CORO1C: variants seen among roughly 807,000 people sequenced by gnomAD.
The protein encoded by CORO1C is coronin 1C, also known as coronin-1C.
Under a neutral mutation model 51.2 loss-of-function variants are expected in CORO1C, and 14 were observed. The ratio of observed to expected loss-of-function variants is 0.27; its 90% CI spans 0.18 to 0.43. The LOEUF (loss-of-function observed/expected upper bound fraction) is 0.43, where lower values mean the gene tolerates loss of function less well. CORO1C is among the 20% of genes least tolerant of loss of function. The probability of loss-of-function intolerance (pLI) is 1.00; values close to 1 mark genes in which losing one functional copy is unlikely to be tolerated. For missense variants in CORO1C, 417 were observed against 607.8 expected (o/e 0.69, Z 3.30); for synonymous variants, 181 against 210.5 (o/e 0.86, Z 1.21).
At chr12:108,678,484 C>T in intron 2 of CORO1C, 90 bp from the exon 3 acceptor site, 1 of 1,128,250 alleles carries the variant, frequency 8.9e-7, no homozygotes, top group Non-Finnish European at 1.2e-6. Flanking sequence ...TTATTACCTC[C>T]ACCCAAAACT....
chr12:108,663,781 T>C (rs1463802532), intron 3 of CORO1C, among the ~76,000 whole-genome samples: 1 of 152,226 alleles, frequency 6.6e-6, no homozygotes, highest in Non-Finnish European at 1.5e-5. Flanking sequence ...GTTGTGAATA[T>C]TCTAAAACTC....
At chr12:108,704,962 A>G (rs1001333593) in intron 1 of CORO1C, among the ~76,000 whole-genome samples, 3 of 152,244 alleles carry the variant, frequency 2.0e-5, no homozygotes, top group African/African-American at 4.8e-5. Flanking sequence ...TAAATGATCA[A>G]TTGGTGATGG....
Position 108,645,944 on chromosome 12 carries a change from AACAGGTG to A in CORO1C, c.*1452_*1458del, listed in dbSNP as rs2136786685. 6.6e-6 allele frequency: 1 copy of A among 152,376 alleles called. No individual in the cohort carries two copies. Among genetic ancestry groups the A allele is most frequent in the East Asian group, 1.9e-4 (1 of 5,180 alleles). The allele number at this position is 152,376 out of a possible 1,614,324, so 9.4% of individuals were successfully genotyped here. On this transcript the variant is annotated 3_prime_UTR_variant, in exon 11 of 11. Transcript: ENST00000261401. ...CAAAGTTCCAGCTAACCGAGGAATG[AACAGGTG>A]ACCAGAGCTCAGTCTCTGGCCCCCT...
chr12:108,683,892 C>A (rs1166450519), intron 2 of CORO1C, among the ~76,000 whole-genome samples: 1 of 151,864 alleles, frequency 6.6e-6, no homozygotes, highest in Admixed American at 6.6e-5. Flanking sequence ...CCACTGAATT[C>A]ATCATATAAG....
intron 6 of CORO1C, among the ~76,000 whole-genome samples, chr12:108,655,455 A>G (rs903937905): frequency 1.0e-4 from 14 of 136,310 alleles, no homozygotes; most frequent in Non-Finnish European, 3.1e-5. Context: ...GGACGCTGCC[A>G]TCTCGACTCA....
chr12:108,725,683 A>G (rs564706174), intron 1 of CORO1C, among the ~76,000 whole-genome samples: 1 of 152,290 alleles, frequency 6.6e-6, no homozygotes, highest in South Asian at 2.1e-4. Flanking sequence ...AAAAGTTGAC[A>G]TTTTTCTTTC....
chr12:108,668,006 G>A (rs2033555211), intron 3 of CORO1C, among the ~76,000 whole-genome samples: 1 of 152,050 alleles, frequency 6.6e-6, no homozygotes, highest in Admixed American at 6.6e-5. Flanking sequence ...CCCTATTTTA[G>A]TCACCCATCA....
chr12:108,668,458 GCT>G (rs909538888), intron 3 of CORO1C: 3 of 152,100 alleles, frequency 2.0e-5, no homozygotes, highest in Admixed American at 1.3e-4. Flanking sequence ...AAGCATTAAA[GCT>G]CTTTTAAAAA....
chr12:108,700,940 T>C lies in CORO1C; in HGVS notation c.195+184A>G, dbSNP rs1181206160. ...ATCCCCAGAACAGAGGTCACTATTC[T>C]ATTTAATGATTCTCTGTTAGAGAAA... On this transcript the variant is annotated intron_variant, in intron 2 of 10. Coordinates refer to ENST00000261401, the MANE Select transcript of CORO1C (RefSeq NM_014325.4). 1.0e-5 allele frequency: 7 copies of C among 668,850 alleles called. No homozygotes were observed. In the Admixed American group the frequency reaches 1.3e-4, roughly 13 times the overall value. The allele number at this position is 668,850 out of a possible 1,614,324, so 41.4% of individuals were successfully genotyped here.
In CORO1C at chr12:108,662,017, C is replaced by G; in HGVS notation, c.448+12G>C. On this transcript the variant is annotated intron_variant, in intron 4 of 10. Transcript: ENST00000261401. ...GGAAGACAAGGGGAGGACCGCTGAG[C>G]TCAGCTCCCACCTGCACTAAGAAGC... is the stretch of plus-strand genomic sequence containing the variant. 6.2e-7 allele frequency: 1 copy of G among 1,614,132 alleles called. No homozygotes were observed. The highest frequency in any genetic ancestry group is 8.5e-7 in the Non-Finnish European group (1 of 1,179,996).
At chr12:108,712,570 C>CAAAAAAA (rs138128974) in intron 1 of CORO1C, among the ~76,000 whole-genome samples, 5 of 66,514 alleles carry the variant, frequency 7.5e-5, no homozygotes. Context: ...GAAACTGTCT[C>CAAAAAAA]AAAAAAAAAA....
chr12:108,674,329 G>A (rs1448774641), intron 3 of CORO1C, among the ~76,000 whole-genome samples: 9 of 152,134 alleles, frequency 5.9e-5, no homozygotes, highest in African/African-American at 1.2e-4. Context: ...CGGGCGGATC[G>A]CGAGATCAGG....
At chr12:108,693,967 G>T (rs10861964) in intron 2 of CORO1C, among the ~76,000 whole-genome samples, 43,593 of 152,134 alleles carry the variant, frequency 0.29, 7,563 homozygotes, top group South Asian at 0.44. Context: ...GCACCCCCCT[G>T]GAGAGATCAA....
At chr12:108,715,896 G>A (rs2136881737) in intron 1 of CORO1C, among the ~76,000 whole-genome samples, 1 of 152,014 alleles carries the variant, frequency 6.6e-6, no homozygotes, top group Non-Finnish European at 1.5e-5. Context: ...CACTTTGGGA[G>A]GCCGAGGCGG....
chr12:108,649,224 G>A lies in CORO1C; in HGVS notation c.1002-204C>T. 1.1e-5 allele frequency: 7 copies of A among 613,580 alleles called. No individual in the cohort carries two copies. In the South Asian group the frequency reaches 1.4e-4, roughly 12 times the overall value. 38.0% of individuals were successfully genotyped at this position (613,580 alleles called of 1,614,324 possible). A position where few individuals can be genotyped will look rare whatever the true frequency, so the allele number is the denominator to read the frequency against. ...ACGGAAGCTGAGAGTCACTATGCTA[G>A]GAACTGGCAGACTGGAGACAAGAAC... On this transcript the variant is annotated intron_variant, in intron 8 of 10. Transcript: ENST00000261401.
intron 3 of CORO1C, among the ~76,000 whole-genome samples, chr12:108,665,149 A>G (rs1469749221): frequency 1.3e-5 from 2 of 152,156 alleles, no homozygotes; most frequent in East Asian, 3.8e-4. Flanking sequence ...TCCAACCTTA[A>G]AATATGAGGG....
Position 108,709,757 on chromosome 12 carries a change from C to T in CORO1C, c.-5-8434G>A, listed in dbSNP as rs559091434. Among the ~76,000 whole-genome samples the T allele has an allele frequency of 5.9e-5, 9 of 152,228 alleles. No individual in the cohort carries two copies. In the South Asian group the frequency reaches 1.9e-3, roughly 32 times the overall value. On this transcript the variant is annotated intron_variant, in intron 1 of 10. Transcript: ENST00000261401. ...AAAGAGTAAATGAAAAAATCCTGAA[C>T]TAACACAATAGGCACAAATTCCAAG... is the stretch of plus-strand genomic sequence containing the variant.
chr12:108,704,025 C>T (rs753759327), intron 1 of CORO1C, among the ~76,000 whole-genome samples: 8 of 152,314 alleles, frequency 5.3e-5, no homozygotes, highest in Non-Finnish European at 8.8e-5. Flanking sequence ...AGGCCTCTCA[C>T]TTGAAAAAGA....
intron 1 of CORO1C, among the ~76,000 whole-genome samples, chr12:108,723,606 AC>A (rs1363185415): frequency 2.6e-5 from 4 of 152,234 alleles, no homozygotes; most frequent in African/African-American, 9.6e-5. Context: ...GGGGACCCAC[AC>A]CCAGTTCCAC....
Sources: gnomAD v4.1 joint callset for allele counts (sites outside exome capture counted in the v4.1 genomes callset) on GRCh38, gnomAD v4.1.1 for gene constraint, MANE v1.5 for transcripts, NCBI Gene and HGNC (gene_info 2026-07-23, HGNC 2026-07-21) for gene names.